Variants in ROBO2 observed in about 807,000 individuals in gnomAD.
The protein encoded by ROBO2 is roundabout homolog 2.
ROBO2 carries 53 observed loss-of-function variants against 160.8 expected under a neutral mutation model. The observed-to-expected ratio is 0.33, with a 90% CI of 0.26 to 0.41. ROBO2 has a LOEUF of 0.41. Ranked by LOEUF, ROBO2 falls within the 10% of genes least tolerant of loss-of-function variation. ROBO2 has a pLI of 1.00. For synonymous variants in ROBO2, 664 were observed against 611.7 expected (o/e 1.09, Z -1.26); for missense variants, 1,577 against 1,722.4 (o/e 0.92, Z 1.49).
intron 2 of ROBO2, among the ~76,000 whole-genome samples, chr3:76,120,116 G>C (rs566089288): frequency 6.6e-6 from 1 of 151,620 alleles, no homozygotes; most frequent in Non-Finnish European, 1.5e-5. Flanking sequence ...CCTGCTTCAG[G>C]CTCCTGAGTA....
chr3:77,177,562 TA>T (rs150583054), intron 2 of ROBO2, among the ~76,000 whole-genome samples: 1,988 of 152,112 alleles, frequency 0.013, 63 homozygotes, highest in African/African-American at 0.045. Flanking sequence ...TGTTATACTA[TA>T]TTTTTTTATT....
intron 14 of ROBO2, among the ~76,000 whole-genome samples, chr3:77,575,653 AT>A (rs2093744389): frequency 6.6e-6 from 1 of 152,074 alleles, no homozygotes; most frequent in Non-Finnish European, 1.5e-5. Flanking sequence ...TCATTAATCT[AT>A]TTTTAGGATA....
intron 2 of ROBO2, among the ~76,000 whole-genome samples, chr3:76,630,200 C>T (rs967399438): frequency 6.6e-6 from 1 of 152,110 alleles, no homozygotes; most frequent in Admixed American, 6.5e-5. Context: ...GGTTTCCTTC[C>T]ACATCACAAA....
rs73103695 is a variant in ROBO2, at chr3:77,498,425, G to C, written c.806+5043G>C. Among the ~76,000 whole-genome samples, 1,223 of 152,234 alleles carry C rather than the reference G, an allele frequency of 8.0e-3. 8 individuals are homozygous for C. Among genetic ancestry groups the C allele is most frequent in the Non-Finnish European group, 0.014 (946 of 67,988 alleles). ...AAATAGAAAAGGGAGTAGAGAATAA[G>C]AGTTTCAAGATATATGGAGCAAAAT... On this transcript the variant is annotated intron_variant, in intron 5 of 25. Coordinates refer to ENST00000461745, the Ensembl canonical transcript of ROBO2.
chr3:76,599,042 T>C (rs890913939), intron 2 of ROBO2, among the ~76,000 whole-genome samples: 3 of 152,116 alleles, frequency 2.0e-5, no homozygotes, highest in Admixed American at 1.3e-4. Context: ...GAACTACCCA[T>C]TTGGTGTATA....
At chr3:77,219,434 GTATATATA>G (rs369099644) in intron 2 of ROBO2, among the ~76,000 whole-genome samples, 9 of 115,260 alleles carry the variant, frequency 7.8e-5, no homozygotes, top group South Asian at 3.1e-4. Context: ...GTATGTGTGT[GTATATATA>G]TATATATATA....
intron 2 of ROBO2, among the ~76,000 whole-genome samples, chr3:76,934,112 A>G (rs975988871): frequency 2.0e-5 from 3 of 152,190 alleles, no homozygotes; most frequent in Admixed American, 1.3e-4. Context: ...ACGATTGGAC[A>G]TCTGACAGCT....
rs558381567 is a variant in ROBO2, at chr3:76,639,154, G to A, written c.110-458860G>A. The stretch of plus-strand genomic sequence containing the variant: ...GTAATATATATGTATCTATACATAT[G>A]TGCATGTATACATATGTGTATATAT... On this transcript the variant is annotated intron_variant, in intron 2 of 26. Transcript: ENST00000487694. Among the ~76,000 whole-genome samples, 87 of 152,022 alleles carry A rather than the reference G, an allele frequency of 5.7e-4. 1 individual carries two copies. Among genetic ancestry groups the A allele is most frequent in the Non-Finnish European group, 1.5e-5 (1 of 67,986 alleles).
intron 2 of ROBO2, among the ~76,000 whole-genome samples, chr3:77,302,313 GA>G (rs1419878713): frequency 6.6e-6 from 1 of 152,030 alleles, no homozygotes; most frequent in East Asian, 1.9e-4. Context: ...TGTAAAGATT[GA>G]ACTAATGAAT....
chr3:76,002,145 G>T (rs957029792), intron 2 of ROBO2, among the ~76,000 whole-genome samples: 3 of 152,268 alleles, frequency 2.0e-5, no homozygotes, highest in African/African-American at 7.2e-5. Context: ...ACCTTGTATG[G>T]AAATACAGCC....
At chr3:76,446,900 T>A (rs946534340) in intron 2 of ROBO2, among the ~76,000 whole-genome samples, 8 of 152,176 alleles carry the variant, frequency 5.3e-5, no homozygotes, top group South Asian at 4.1e-4. Context: ...TCAAGGTGGA[T>A]TAAAGACTTA....
At chr3:76,952,523 C>T (rs376100769) in intron 2 of ROBO2, among the ~76,000 whole-genome samples, 32 of 152,134 alleles carry the variant, frequency 2.1e-4, no homozygotes, top group East Asian at 1.6e-3. Flanking sequence ...ACCTCGTGAT[C>T]CGCCTGCCTC....
At chr3:76,693,056 A>AT (rs1560388584) in intron 2 of ROBO2, among the ~76,000 whole-genome samples, 2 of 149,764 alleles carry the variant, frequency 1.3e-5, no homozygotes, top group Non-Finnish European at 3.0e-5. Flanking sequence ...CCCTATATAT[A>AT]TAGTGTGTAT....
At chr3:77,502,103 T>G (rs996330253) in intron 5 of ROBO2, among the ~76,000 whole-genome samples, 1 of 152,184 alleles carries the variant, frequency 6.6e-6, no homozygotes, top group South Asian at 2.1e-4. Flanking sequence ...AAAACTGATA[T>G]GCAGAGAGGG....
intron 2 of ROBO2, among the ~76,000 whole-genome samples, chr3:76,744,905 T>A (rs2093860576): frequency 6.6e-6 from 1 of 152,210 alleles, no homozygotes; most frequent in Non-Finnish European, 1.5e-5. Context: ...GGGTGCTATT[T>A]TTTCCCCTGA....
At chr3:76,377,030 G>A (rs1043337239) in intron 2 of ROBO2, among the ~76,000 whole-genome samples, 1 of 152,118 alleles carries the variant, frequency 6.6e-6, no homozygotes, top group Non-Finnish European at 1.5e-5. Context: ...TTCCTACAAG[G>A]TAACTTGGCA....
At chr3:76,465,619 T>C (rs575594706) in intron 2 of ROBO2, among the ~76,000 whole-genome samples, 1 of 152,186 alleles carries the variant, frequency 6.6e-6, no homozygotes, top group Admixed American at 6.5e-5. Flanking sequence ...TGGCTGAAGA[T>C]AGATGTTTCT....
intron 6 of ROBO2, among the ~76,000 whole-genome samples, chr3:77,537,426 A>T (rs1341174341): frequency 6.6e-6 from 1 of 152,190 alleles, no homozygotes; most frequent in East Asian, 1.9e-4. Context: ...TGTAATTTGT[A>T]TGTATATGTG....
chr3:77,314,304 A>G (rs1041903421), intron 2 of ROBO2, among the ~76,000 whole-genome samples: 2 of 152,166 alleles, frequency 1.3e-5, no homozygotes, highest in African/African-American at 2.4e-5. Flanking sequence ...ATTGCTACCA[A>G]TCTTACTTAG....
Sources: allele counts gnomAD v4.1 joint callset (sites outside exome capture counted in the v4.1 genomes callset), GRCh38; gene constraint gnomAD v4.1.1; transcripts MANE v1.5; gene names NCBI Gene and HGNC (gene_info 2026-07-23, HGNC 2026-07-21).